The following ROBO2 variants were observed in gnomAD, a reference collection of about 807,000 sequenced individuals.
ROBO2 encodes the protein roundabout guidance receptor 2.
A neutral mutation model predicts 160.8 loss-of-function variants in ROBO2; 53 were observed. The ratio of observed to expected loss-of-function variants is 0.33; its 90% CI spans 0.26 to 0.41. ROBO2 has a LOEUF of 0.41. ROBO2 is among the 10% of genes least tolerant of loss of function. The pLI is 1.00. For synonymous variants in ROBO2, 664 were observed against 611.7 expected (o/e 1.09, Z -1.26); for missense variants, 1,577 against 1,722.4 (o/e 0.92, Z 1.49).
intron 2 of ROBO2, among the ~76,000 whole-genome samples, chr3:76,448,229 G>A (rs1303379661): frequency 6.6e-6 from 1 of 152,014 alleles, no homozygotes; most frequent in Non-Finnish European, 1.5e-5. Context: ...ATGTAAGGTA[G>A]CAAATTTAAA....
intron 1 of ROBO2, among the ~76,000 whole-genome samples, chr3:77,048,929 A>C (rs979892072): frequency 2.1e-4 from 32 of 152,162 alleles, no homozygotes; most frequent in African/African-American, 7.5e-4. Context: ...GTTTCATTTG[A>C]CTGTGTAATT....
rs771219991 is a variant in ROBO2, at chr3:77,527,431, C to T, written c.934+4529C>T. ...GCCCTGTTGGTAAGTAGCCATCCTT[C>T]TATCCACTAAGCATGGCTTTGCACA... On this transcript the variant is annotated intron_variant, in intron 6 of 25. Coordinates refer to ENST00000461745, the Ensembl canonical transcript of ROBO2. The T allele has an allele frequency of 7.3e-4, 937 of 1,285,830 alleles. 2 individuals are homozygous for T. Among genetic ancestry groups the T allele is most frequent in the Non-Finnish European group, 8.9e-4 (878 of 985,920 alleles). The allele number at this position is 1,285,830 out of a possible 1,614,324, so 79.7% of individuals were successfully genotyped here.
intron 2 of ROBO2, among the ~76,000 whole-genome samples, chr3:76,038,268 G>C (rs533984177): frequency 6.6e-6 from 1 of 152,098 alleles, no homozygotes; most frequent in East Asian, 1.9e-4. Flanking sequence ...TTAAAGGAAA[G>C]AATAGGAGTA....
intron 2 of ROBO2, among the ~76,000 whole-genome samples, chr3:76,212,874 A>C (rs1703236848): frequency 2.3e-5 from 3 of 129,974 alleles, no homozygotes; most frequent in Non-Finnish European, 3.3e-5. Context: ...CAGTTTGACT[A>C]ACTTCTTTAA....
chr3:75,945,583 T>C (rs537533810), intron 2 of ROBO2, among the ~76,000 whole-genome samples: 211 of 134,702 alleles, frequency 1.6e-3, no homozygotes, highest in Admixed American at 4.9e-3. Context: ...TGCTTTATTC[T>C]CTTGCAATTG....
intron 2 of ROBO2, among the ~76,000 whole-genome samples, chr3:76,698,382 T>C (rs931016775): frequency 1.3e-5 from 2 of 152,160 alleles, no homozygotes; most frequent in Non-Finnish European, 2.9e-5. Flanking sequence ...GACAGTGGTG[T>C]GTTTGGTAAA....
chr3:75,971,066 C>T (rs772026890), intron 2 of ROBO2, among the ~76,000 whole-genome samples: 6 of 151,102 alleles, frequency 4.0e-5, no homozygotes, highest in South Asian at 2.1e-4. Context: ...AAAAAATTTA[C>T]TTTTTTTCTT....
At chr3:76,776,428 TG>T (rs1388538961) in intron 2 of ROBO2, among the ~76,000 whole-genome samples, 1 of 150,978 alleles carries the variant, frequency 6.6e-6, no homozygotes, top group African/African-American at 2.4e-5. Flanking sequence ...AAATAAGTAT[TG>T]TTTTGATCAT....
chr3:75,937,897 G>A (rs1947871321), intron 2 of ROBO2, among the ~76,000 whole-genome samples: 1 of 142,996 alleles, frequency 7.0e-6, no homozygotes, highest in Non-Finnish European at 1.5e-5. Context: ...GGCTATGTGT[G>A]TGTGTGTGTG....
chr3:77,031,271 T>C (rs1324510793), intron 2 of ROBO2, among the ~76,000 whole-genome samples: 1 of 152,038 alleles, frequency 6.6e-6, no homozygotes, highest in African/African-American at 2.4e-5. Flanking sequence ...CGTTTTTGTT[T>C]GAGATCTTAG....
chr3:75,956,957 T>C (rs1190802309), intron 2 of ROBO2, among the ~76,000 whole-genome samples: 1 of 151,732 alleles, frequency 6.6e-6, no homozygotes, highest in Non-Finnish European at 1.5e-5. Context: ...TGATACACGT[T>C]GTAGCCCTGA....
chr3:76,152,342 T>G (rs1252829686), intron 2 of ROBO2, among the ~76,000 whole-genome samples: 1 of 152,186 alleles, frequency 6.6e-6, no homozygotes. Flanking sequence ...CCATTAAAAC[T>G]TTGACTGTAG....
At chr3:76,921,663 A>G (rs2076669462) in intron 2 of ROBO2, among the ~76,000 whole-genome samples, 1 of 152,134 alleles carries the variant, frequency 6.6e-6, no homozygotes, top group Non-Finnish European at 1.5e-5. Flanking sequence ...TTTTAAAAGC[A>G]TTGAGTGTTT....
chr3:77,071,352 T>C (rs1043576819), intron 1 of ROBO2, among the ~76,000 whole-genome samples: 1 of 152,200 alleles, frequency 6.6e-6, no homozygotes, highest in Non-Finnish European at 1.5e-5. Flanking sequence ...TAAAATAGCA[T>C]TAAATTAAAA....
intron 2 of ROBO2, among the ~76,000 whole-genome samples, chr3:76,592,565 A>C (rs1316181215): frequency 1.3e-5 from 2 of 152,080 alleles, no homozygotes; most frequent in Non-Finnish European, 2.9e-5. Context: ...ATGTTATCAA[A>C]ATACCAACGT....
chr3:76,872,597 A>C (rs1309616887), intron 2 of ROBO2, among the ~76,000 whole-genome samples: 1 of 152,086 alleles, frequency 6.6e-6, no homozygotes, highest in Non-Finnish European at 1.5e-5. Context: ...TTGTTAGGCT[A>C]TGAAACTTAA....
At chr3:76,633,322 A>G (rs968605705) in intron 2 of ROBO2, among the ~76,000 whole-genome samples, 1 of 152,188 alleles carries the variant, frequency 6.6e-6, no homozygotes, top group African/African-American at 2.4e-5. Context: ...AGTACTTGAG[A>G]GCCATAGCTG....
At chr3:76,109,104 T>G (rs962894073) in intron 2 of ROBO2, among the ~76,000 whole-genome samples, 1 of 152,012 alleles carries the variant, frequency 6.6e-6, no homozygotes, top group African/African-American at 2.4e-5. Context: ...AATATTGAAA[T>G]TATTGCTAGA....
intron 2 of ROBO2, among the ~76,000 whole-genome samples, chr3:76,952,316 C>T (rs2079006043): frequency 1.3e-5 from 2 of 151,728 alleles, no homozygotes; most frequent in Non-Finnish European, 2.9e-5. Context: ...GAGTTTTGCT[C>T]TTTTTGCCCA....
Sources: allele counts gnomAD v4.1 joint callset (sites outside exome capture counted in the v4.1 genomes callset), GRCh38; gene constraint gnomAD v4.1.1; transcripts MANE v1.5; gene names NCBI Gene and HGNC (gene_info 2026-07-23, HGNC 2026-07-21).